Variants in ZER1 observed in about 807,000 individuals in gnomAD.
ZER1 encodes the protein zyg-11 related cell cycle regulator, also known as protein zer-1 homolog.
A neutral mutation model predicts 78.8 loss-of-function variants in ZER1; 11 were observed. That is an observed-to-expected ratio of 0.14 (90% confidence interval 0.09 to 0.23). The LOEUF (loss-of-function observed/expected upper bound fraction) is 0.23. Among genes scored for constraint, ZER1 ranks in the 10% least tolerant of loss-of-function variants. The pLI, the probability that ZER1 is intolerant of heterozygous loss-of-function variation, is 1.00. For synonymous variants in ZER1, 400 were observed against 407.0 expected (o/e 0.98, Z 0.21); for missense variants, 588 against 996.9 (o/e 0.59, Z 5.52).
chr9:128,754,393 T>A lies in ZER1; in HGVS notation c.159-434A>T, dbSNP rs1468254871. On this transcript the variant is annotated intron_variant, in intron 2 of 15. Transcript: ENST00000291900. This position sits in a 1 kb window ranked among gnomAD's most constrained non-coding sequence, Gnocchi z 4.3. Reference sequence around the variant, plus strand: ...AATGAAGCCCTGTTGAGACATCAGCTCATGCAAGAATCCTGGTCTGCTGGG... The same window carrying A: ...AATGAAGCCCTGTTGAGACATCAGCACATGCAAGAATCCTGGTCTGCTGGG... Among the ~76,000 whole-genome samples, 1 of 152,192 alleles carries A rather than the reference T, an allele frequency of 6.6e-6. No homozygotes were observed. The highest frequency in any genetic ancestry group is 1.5e-5 in the Non-Finnish European group (1 of 68,028).
Position 128,740,944 on chromosome 9 carries a change from G to A in ZER1, c.1738-57C>T, listed in dbSNP as rs1297288482. The A allele has an allele frequency of 2.6e-6, 2 of 761,348 alleles. No homozygotes were observed. The highest frequency in any genetic ancestry group is 3.4e-5 in the African/African-American group (2 of 58,184). The allele number at this position is 761,348 out of a possible 1,614,324, so 47.2% of individuals were successfully genotyped here. A position where few individuals can be genotyped will look rare whatever the true frequency, so the allele number is the denominator to read the frequency against. ...ATTAGTACTTAATGACTTAGTATCT[G>A]GTATTGTTAACCAAAAAGCTTCATG... On this transcript the variant is annotated intron_variant, in intron 11 of 15. Transcript: ENST00000291900. This position sits in a 1 kb window ranked among gnomAD's most constrained non-coding sequence, Gnocchi z 4.4.
At chr9:128,768,478 G>A (rs558478552) in intron 1 of ZER1, among the ~76,000 whole-genome samples, 1 of 152,158 alleles carries the variant, frequency 6.6e-6, no homozygotes, top group Non-Finnish European at 1.5e-5. Context: ...TAGGAAAACT[G>A]AGGCCCAGAG....
rs892526341 is a variant in ZER1, at chr9:128,754,491, A to G, written c.159-532T>C. On this transcript the variant is annotated intron_variant, in intron 2 of 15. Coordinates refer to ENST00000291900, the MANE Select transcript of ZER1 (RefSeq NM_006336.4). The surrounding 1 kb of genome is among the most constrained non-coding windows in gnomAD (Gnocchi z 4.3). ...GCTTCCTACCTGGGCAACTTCACACAAGTAAATGAACTTTCCCAGACCTCA... is the reference window on the plus strand; with the variant it reads ...GCTTCCTACCTGGGCAACTTCACACGAGTAAATGAACTTTCCCAGACCTCA... 1.3e-5 allele frequency among the ~76,000 whole-genome samples: 2 copies of G among 152,150 alleles called. No individual in the cohort carries two copies. The highest frequency in any genetic ancestry group is 2.9e-5 in the Non-Finnish European group (2 of 68,026).
rs748498694 is a variant in ZER1 at position 128,753,135 on chromosome 9, C to T, written c.746+29G>A. The stretch of plus-strand genomic sequence containing the variant: ...CTCCCCACCTGCCCCCCAAACCCCA[C>T]CCTGGTGAGCTCTGGGCCAGGAGCT... On this transcript the variant is annotated intron_variant, in intron 4 of 15. Transcript: ENST00000291900. This position sits in a 1 kb window ranked among gnomAD's most constrained non-coding sequence, Gnocchi z 7.5. 1.6e-5 allele frequency: 24 copies of T among 1,503,850 alleles called. No homozygotes were observed. Among genetic ancestry groups the T allele is most frequent in the Non-Finnish European group, 2.0e-5 (22 of 1,124,098 alleles). 93.2% of individuals were successfully genotyped at this position (1,503,850 alleles called of 1,614,324 possible). A position where few individuals can be genotyped will look rare whatever the true frequency, so the allele number is the denominator to read the frequency against.
chr9:128,764,064 G>A (rs1476253177), intron 1 of ZER1, among the ~76,000 whole-genome samples: 1 of 152,116 alleles, frequency 6.6e-6, no homozygotes, highest in Non-Finnish European at 1.5e-5. Flanking sequence ...GGGAGAGAAG[G>A]GGAAGGCGCT....
In ZER1 at chr9:128,753,137, C is replaced by A; in HGVS notation, c.746+27G>T. On this transcript the variant is annotated intron_variant, in intron 4 of 15. Transcript: ENST00000291900. The surrounding 1 kb of genome is among the most constrained non-coding windows in gnomAD (Gnocchi z 7.5). The stretch of plus-strand genomic sequence containing the variant: ...CCCCACCTGCCCCCCAAACCCCACC[C>A]TGGTGAGCTCTGGGCCAGGAGCTCA... 1 of 1,505,672 alleles carries A rather than the reference C, an allele frequency of 6.6e-7. No individual in the cohort carries two copies. The highest frequency in any genetic ancestry group is 1.3e-5 in the South Asian group (1 of 78,008). The allele number at this position is 1,505,672 out of a possible 1,614,324, so 93.3% of individuals were successfully genotyped here.
Position 128,732,526 on chromosome 9 carries a change from C to T in ZER1, c.2243+900G>A, listed in dbSNP as rs1462227866. ...CTGGGATTACAGGCACGTACCACCA[C>T]GCCGAGCTAATTTTTGTATTTTTAG... On this transcript the variant is annotated intron_variant, in intron 15 of 15. Transcript: ENST00000291900. The surrounding 1 kb of genome is among the most constrained non-coding windows in gnomAD (Gnocchi z 4.8). Among the ~76,000 whole-genome samples the T allele has an allele frequency of 2.6e-5, 4 of 152,146 alleles. No homozygotes were observed. Among genetic ancestry groups the T allele is most frequent in the Non-Finnish European group, 5.9e-5 (4 of 68,032 alleles).
At position 128,755,310 on chromosome 9, in the gene ZER1, T is replaced by C. The variant is rs771601536; in HGVS notation, c.158+98A>G. The C allele has an allele frequency of 9.3e-5, 142 of 1,519,864 alleles. No individual in the cohort carries two copies. Among genetic ancestry groups the C allele is most frequent in the Non-Finnish European group, 1.3e-4 (141 of 1,109,804 alleles). 94.1% of individuals were successfully genotyped at this position (1,519,864 alleles called of 1,614,324 possible). ...ACACACACACCCTCACACATTCATC[T>C]CCATAGCTACTCCCCACATAGTGCA... On this transcript the variant is annotated intron_variant, in intron 2 of 15. Coordinates refer to ENST00000291900, the MANE Select transcript of ZER1 (RefSeq NM_006336.4). The surrounding 1 kb of genome is among the most constrained non-coding windows in gnomAD (Gnocchi z 5.6).
At chr9:128,772,098 C>G (rs975040285), upstream of ZER1, among the ~76,000 whole-genome samples, 5 of 152,288 alleles carry the variant, frequency 3.3e-5, no homozygotes, top group South Asian at 8.3e-4. Flanking sequence ...ATGCCCCCCC[C>G]AGGCCACCCG....
chr9:128,731,408 G>T lies in ZER1; in HGVS notation c.2244-14C>A. On this transcript the variant is annotated splice_polypyrimidine_tract_variant and intron_variant, in intron 15 of 15. Transcript: ENST00000291900. Reference sequence around the variant, plus strand: ...TCAATCACCTTGCTGGAGACAATGGGGGAGACAGGATTGGAGGGTGGGCTT... The same window carrying T: ...TCAATCACCTTGCTGGAGACAATGGTGGAGACAGGATTGGAGGGTGGGCTT... 6.2e-7 allele frequency: 1 copy of T among 1,609,850 alleles called. No individual in the cohort carries two copies. The highest frequency in any genetic ancestry group is 1.1e-5 in the South Asian group (1 of 90,604).
At position 128,739,973 on chromosome 9, in the gene ZER1, A is replaced by G. The variant is rs1168386862; in HGVS notation, c.2000T>C (p.Ile667Thr). ...CCGAGAGTTTATGTCCCAGCTCTGG[A>G]TGGCAGCCCACATGCGTTCCTCCAC... ...EEVEERMWAAIQSWDINSRRN... is the reference protein window; with the variant it reads ...EEVEERMWAATQSWDINSRRN... The change falls in exon 13 of 16, where the codon ATC becomes ACC. Residue 667 changes from isoleucine to threonine, a missense_variant. Ile to Thr is a moderately conservative substitution (Grantham distance 89, BLOSUM62 -1). Coordinates refer to ENST00000291900, the MANE Select transcript of ZER1 (RefSeq NM_006336.4). 2 of 1,613,090 alleles carry G rather than the reference A, an allele frequency of 1.2e-6. No individual in the cohort carries two copies. The highest frequency in any genetic ancestry group is 3.3e-5 in the Admixed American group (2 of 59,960).
chr9:128,734,144 AATATATATATATATATATAAAATCTT>A (rs1862963323), intron 14 of ZER1, among the ~76,000 whole-genome samples: 6 of 14,438 alleles, frequency 4.2e-4, no homozygotes, highest in Non-Finnish European at 5.7e-4. Flanking sequence ...AAAAAAAAAA[AATATATATATATATATATAAAATCTT>A]AAAAAAAATA....
At chr9:128,742,436 C>G (rs1863332740) in intron 9 of ZER1, 94 bp downstream of exon 9, 2 of 1,457,278 alleles carry the variant, frequency 1.4e-6, no homozygotes, top group African/African-American at 1.4e-5. Flanking sequence ...CGACTCCCAG[C>G]CCCAGGCCCT....
Position 128,732,510 on chromosome 9 carries a change from C to T in ZER1, c.2243+916G>A, listed in dbSNP as rs1161457722. On this transcript the variant is annotated intron_variant, in intron 15 of 15. Coordinates refer to ENST00000291900, the MANE Select transcript of ZER1 (RefSeq NM_006336.4). This position sits in a 1 kb window ranked among gnomAD's most constrained non-coding sequence, Gnocchi z 4.8. ...TCAGCCTCCCAAGTGGCTGGGATTACAGGCACGTACCACCACGCCGAGCTA... is the reference window on the plus strand; with the variant it reads ...TCAGCCTCCCAAGTGGCTGGGATTATAGGCACGTACCACCACGCCGAGCTA... 2.0e-5 allele frequency among the ~76,000 whole-genome samples: 3 copies of T among 152,190 alleles called. No individual in the cohort carries two copies. Among genetic ancestry groups the T allele is most frequent in the Non-Finnish European group, 2.9e-5 (2 of 68,032 alleles).
rs1007392912 is a variant in ZER1, at chr9:128,738,622, T to C, written c.2042+1309A>G. On this transcript the variant is annotated intron_variant, in intron 13 of 15. Coordinates refer to ENST00000291900, the MANE Select transcript of ZER1 (RefSeq NM_006336.4). ...AGATGGTCTCGATTTCCTGACCTCA[T>C]GATCCGCCCGCCTCTGCCTCCCAAA... is the stretch of plus-strand genomic sequence containing the variant. Among the ~76,000 whole-genome samples, 3 of 151,782 alleles carry C rather than the reference T, an allele frequency of 2.0e-5. 1 individual carries two copies. The highest frequency in any genetic ancestry group is 7.2e-5 in the African/African-American group (3 of 41,426).
intron 8 of ZER1, among the ~76,000 whole-genome samples, chr9:128,750,236 G>A (rs1250385619): frequency 6.6e-6 from 1 of 152,114 alleles, no homozygotes; most frequent in African/African-American, 2.4e-5. Context: ...TGGGTTTATG[G>A]GTGATTTTTA....
intron 14 of ZER1, among the ~76,000 whole-genome samples, chr9:128,734,127 CAA>C (rs1203049523): frequency 0.046 from 274 of 5,930 alleles, 47 homozygotes; most frequent in South Asian, 0.18. Flanking sequence ...AACTCCGTCT[CAA>C]AAAAAAAAAA....
At chr9:128,763,305 C>T (rs1174351767) in intron 1 of ZER1, among the ~76,000 whole-genome samples, 1 of 152,206 alleles carries the variant, frequency 6.6e-6, no homozygotes, top group East Asian at 1.9e-4. Context: ...CCATGCTTAA[C>T]CCACCAGGGT....
intron 13 of ZER1, among the ~76,000 whole-genome samples, chr9:128,735,821 A>C (rs1474424625): frequency 2.5e-5 from 3 of 117,882 alleles, no homozygotes; most frequent in Non-Finnish European, 4.8e-5. Context: ...TCTGTTGCCC[A>C]GGCTGGGGTG....
Sources: gnomAD v4.1 joint callset for allele counts (sites outside exome capture counted in the v4.1 genomes callset) on GRCh38, gnomAD v4.1.1 for gene constraint, Gnocchi (gnomAD v3.1) non-coding constraint, MANE v1.5 for transcripts, NCBI Gene and HGNC (gene_info 2026-07-23, HGNC 2026-07-21) for gene names.